Variants in ITGBL1 observed in about 807,000 individuals in gnomAD.
ITGBL1 encodes the protein integrin subunit beta like 1, also known as integrin beta-like protein 1.
In ITGBL1, 51 loss-of-function variants were observed where a neutral mutation model predicts 68.5. That is an observed-to-expected ratio of 0.74 (90% CI 0.59 to 0.94). The LOEUF (loss-of-function observed/expected upper bound fraction) is 0.94, where lower values mean the gene tolerates loss of function less well. Ranked by LOEUF, ITGBL1 falls within the 40% of genes least tolerant of loss-of-function variation. The pLI is 0.00. For missense variants in ITGBL1, 649 were observed against 647.4 expected, an observed-to-expected ratio of 1.00 and a Z score of -0.03; for synonymous variants, 209 against 227.3, an observed-to-expected ratio of 0.92 and a Z score of 0.72.
intron 2 of ITGBL1, among the ~76,000 whole-genome samples, chr13:101,508,756 A>G (rs533430413): frequency 4.5e-4 from 69 of 152,282 alleles, no homozygotes; most frequent in African/African-American, 1.7e-3. Context: ...GTCATTATTA[A>G]GAAAGTTTTT....
At chr13:101,509,986 A>G (rs996570077) in intron 2 of ITGBL1, among the ~76,000 whole-genome samples, 2 of 152,078 alleles carry the variant, frequency 1.3e-5, no homozygotes, top group African/African-American at 4.8e-5. Context: ...CAAAAAAGAA[A>G]TCCAATTTCT....
chr13:101,485,878 T>C (rs570834439), intron 2 of ITGBL1, among the ~76,000 whole-genome samples: 36 of 152,262 alleles, frequency 2.4e-4, no homozygotes, highest in African/African-American at 8.7e-4. Flanking sequence ...AAGGGCACAC[T>C]TTTACACTGC....
chr13:101,709,144 T>C lies in ITGBL1; in HGVS notation c.1279+2242T>C, dbSNP rs532862212. The stretch of plus-strand genomic sequence containing the variant: ...ACTTTGGGAGGCCGAGGCGGGTGGA[T>C]CATGAGGTCAGGAGATCGAGACCAT... On this transcript the variant is annotated intron_variant, in intron 9 of 10. Coordinates refer to ENST00000376180, the MANE Select transcript of ITGBL1 (RefSeq NM_004791.3). Among the ~76,000 whole-genome samples, 9 of 151,486 alleles carry C rather than the reference T, an allele frequency of 5.9e-5. No homozygotes were observed. The East Asian group carries it at 1.4e-3, about 23-fold the overall frequency.
At chr13:101,474,234 G>C (rs2048503278) in intron 2 of ITGBL1, among the ~76,000 whole-genome samples, 1 of 152,108 alleles carries the variant, frequency 6.6e-6, no homozygotes, top group South Asian at 2.1e-4. Context: ...CCTGAAGGGA[G>C]AGACCAAGGC....
chr13:101,524,533 G>A (rs1257440983), intron 2 of ITGBL1, among the ~76,000 whole-genome samples: 3 of 151,378 alleles, frequency 2.0e-5, no homozygotes, highest in African/African-American at 7.3e-5. Context: ...ACATATAGTT[G>A]TCATCACTGA....
intron 2 of ITGBL1, among the ~76,000 whole-genome samples, chr13:101,480,191 G>A (rs4318072): frequency 0.14 from 21,426 of 151,872 alleles, 1,983 homozygotes; most frequent in East Asian, 0.4. Context: ...ACTGGAGGAC[G>A]TTATTTTAAG....
At chr13:101,607,861 A>C (rs2030944737) in intron 7 of ITGBL1, among the ~76,000 whole-genome samples, 1 of 152,038 alleles carries the variant, frequency 6.6e-6, no homozygotes, top group South Asian at 2.1e-4. Context: ...ATCTGCAGGC[A>C]TTATTATTCA....
intron 7 of ITGBL1, among the ~76,000 whole-genome samples, chr13:101,676,324 A>G (rs1025160552): frequency 3.3e-5 from 5 of 152,060 alleles, no homozygotes; most frequent in African/African-American, 4.8e-5. Flanking sequence ...TTTCTGGCAG[A>G]TATATAGATA....
intron 2 of ITGBL1, among the ~76,000 whole-genome samples, chr13:101,552,967 G>A (rs1000362069): frequency 6.6e-6 from 1 of 152,038 alleles, no homozygotes; most frequent in Non-Finnish European, 1.5e-5. Context: ...GCTTTGTGTG[G>A]GGGATTCTTT....
In ITGBL1 at chr13:101,680,038, T is replaced by C. The variant is rs576703340; in HGVS notation, c.1016-12547T>C. Among the ~76,000 whole-genome samples the C allele has an allele frequency of 4.0e-4, 61 of 152,348 alleles. 1 individual carries two copies. Among genetic ancestry groups the C allele is most frequent in the Admixed American group, 3.7e-3 (56 of 15,276 alleles). ...GAGCAACTTTTTCTTGGCTAACGAT[T>C]GATCTGTAATGTCAACGTGGCTTGC... On this transcript the variant is annotated intron_variant, in intron 7 of 10. Coordinates refer to ENST00000376180, the MANE Select transcript of ITGBL1 (RefSeq NM_004791.3).
At chr13:101,509,795 GTCTAATC>G (rs1463326330) in intron 2 of ITGBL1, among the ~76,000 whole-genome samples, 4 of 152,052 alleles carry the variant, frequency 2.6e-5, no homozygotes, top group Admixed American at 2.6e-4. Flanking sequence ...AAGTCCTTTA[GTCTAATC>G]TCCTTGAAAA....
Position 101,696,854 on chromosome 13 carries a change from A to AGAACT in ITGBL1, c.1132+4154_1132+4158dup, listed in dbSNP as rs149124279. ...CACAATTAAGGAGAATGAGAAAGGA[A>AGAACT]GAACTATTCCAGTTTTGGATACAGG... On this transcript the variant is annotated intron_variant, in intron 8 of 10. Transcript: ENST00000376180. 7.6e-3 allele frequency among the ~76,000 whole-genome samples: 1,162 copies of AGAACT among 152,298 alleles called. 15 individuals are homozygous for AGAACT. Among genetic ancestry groups the AGAACT allele is most frequent in the African/African-American group, 0.027 (1,104 of 41,548 alleles).
chr13:101,678,861 A>G (rs2033570528), intron 7 of ITGBL1, among the ~76,000 whole-genome samples: 1 of 151,694 alleles, frequency 6.6e-6, no homozygotes, highest in South Asian at 2.1e-4. Context: ...GCCTGATTCT[A>G]CCCTACTCCT....
chr13:101,714,581 A>C, intron 10 of ITGBL1, 30 bp downstream of exon 10: 1 of 1,302,296 alleles, frequency 7.7e-7, no homozygotes, highest in South Asian at 1.2e-5. Context: ...TAATTGCTCT[A>C]TGCCACAGTT....
At chr13:101,571,856 A>T (rs1459045496) in intron 3 of ITGBL1, among the ~76,000 whole-genome samples, 1 of 152,164 alleles carries the variant, frequency 6.6e-6, no homozygotes, top group Admixed American at 6.6e-5. Context: ...TTTCAAAAGC[A>T]CAGGACTGGA....
At chr13:101,494,801 A>C (rs2048832259) in intron 2 of ITGBL1, among the ~76,000 whole-genome samples, 1 of 152,232 alleles carries the variant, frequency 6.6e-6, no homozygotes, top group Non-Finnish European at 1.5e-5. Flanking sequence ...CTATATGAAA[A>C]GTATACATGC....
chr13:101,625,860 G>T, intron 7 of ITGBL1, among the ~76,000 whole-genome samples: 1 of 152,070 alleles, frequency 6.6e-6, no homozygotes, highest in East Asian at 1.9e-4. Context: ...GGCCAGTAAT[G>T]GCTAATTTTA....
At chr13:101,650,603 G>T (rs1265085848) in intron 7 of ITGBL1, among the ~76,000 whole-genome samples, 2 of 151,070 alleles carry the variant, frequency 1.3e-5, no homozygotes, top group African/African-American at 4.9e-5. Flanking sequence ...CTGCTGGCCA[G>T]GTGACTTCTT....
At chr13:101,534,157 C>T (rs1002432939) in intron 2 of ITGBL1, among the ~76,000 whole-genome samples, 1 of 151,868 alleles carries the variant, frequency 6.6e-6, no homozygotes. Context: ...TCATTGTCAA[C>T]GTTGAAAAGA....
Sources: allele counts gnomAD v4.1 joint callset (sites outside exome capture counted in the v4.1 genomes callset), GRCh38; gene constraint gnomAD v4.1.1; transcripts MANE v1.5; gene names NCBI Gene and HGNC (gene_info 2026-07-23, HGNC 2026-07-21).